The following CADM2 variants were observed in gnomAD, a reference collection of about 807,000 sequenced individuals.
The protein encoded by CADM2 is immunoglobulin superfamily member 4D.
A neutral mutation model predicts 49.8 loss-of-function variants in CADM2; 12 were observed. That is an observed-to-expected ratio of 0.24 (90% CI 0.15 to 0.39). The LOEUF (loss-of-function observed/expected upper bound fraction) is 0.39, where lower values mean the gene tolerates loss of function less well. Among genes scored for constraint, CADM2 ranks in the 10% least tolerant of loss-of-function variants. The pLI is 1.00. For missense variants in CADM2, 378 were observed against 492.3 expected, an observed-to-expected ratio of 0.77 and a Z score of 2.20; for synonymous variants, 214 against 175.4, an observed-to-expected ratio of 1.22 and a Z score of -1.74.
rs543922391 is a variant in CADM2 at position 85,508,862 on chromosome 3, T to C, written c.62-217660T>C. On this transcript the variant is annotated intron_variant, in intron 1 of 9. Coordinates refer to ENST00000383699, the MANE Select transcript of CADM2 (RefSeq NM_001167675.2). ...ATGTGTGTGTGTGTGTGTGTGTGTG[T>C]GTATTGAGGGTGTACACGCCCATGT... 3.5e-4 allele frequency among the ~76,000 whole-genome samples: 52 copies of C among 150,110 alleles called. No individual in the cohort carries two copies. In the East Asian group the frequency reaches 7.2e-3, roughly 21 times the overall value.
chr3:85,295,769 G>T (rs2043944630), intron 1 of CADM2, among the ~76,000 whole-genome samples: 1 of 151,866 alleles, frequency 6.6e-6, no homozygotes, highest in Non-Finnish European at 1.5e-5. Flanking sequence ...ACACTCTGGG[G>T]ACTGTTGTGG....
intron 1 of CADM2, among the ~76,000 whole-genome samples, chr3:85,685,615 C>CTTTTTTTTT: frequency 8.3e-4 from 101 of 122,016 alleles, no homozygotes; most frequent in African/African-American, 1.1e-3. Flanking sequence ...TTCTTTCTTT[C>CTTTTTTTTT]TTTTTTTTTT....
chr3:85,442,851 G>A (rs933369306), intron 1 of CADM2, among the ~76,000 whole-genome samples: 3 of 151,154 alleles, frequency 2.0e-5, no homozygotes, highest in Non-Finnish European at 4.4e-5. Context: ...TAAAGAAATT[G>A]ATATAATATC....
chr3:85,362,143 A>G (rs1241078202), intron 1 of CADM2, among the ~76,000 whole-genome samples: 2 of 152,218 alleles, frequency 1.3e-5, no homozygotes, highest in African/African-American at 4.8e-5. Flanking sequence ...GAAATTAGGC[A>G]TATGGAATAT....
intron 1 of CADM2, among the ~76,000 whole-genome samples, chr3:85,351,294 G>A (rs1214177153): frequency 3.3e-5 from 5 of 152,082 alleles, no homozygotes; most frequent in African/African-American, 4.8e-5. Context: ...TTACCATAGT[G>A]GTGGAAATAT....
At chr3:85,763,064 C>T (rs1035001549) in intron 2 of CADM2, among the ~76,000 whole-genome samples, 6 of 152,078 alleles carry the variant, frequency 3.9e-5, no homozygotes, top group Non-Finnish European at 8.8e-5. Context: ...ATTAGAGCTT[C>T]CTGATAAGAC....
At chr3:85,157,753 G>A (rs1437233646) in intron 1 of CADM2, among the ~76,000 whole-genome samples, 2 of 151,920 alleles carry the variant, frequency 1.3e-5, no homozygotes, top group Non-Finnish European at 2.9e-5. Flanking sequence ...GAAAACCTAG[G>A]CATTACCATT....
intron 3 of CADM2, among the ~76,000 whole-genome samples, chr3:85,872,997 C>T (rs544627886): frequency 1.2e-4 from 18 of 152,258 alleles, no homozygotes; most frequent in African/African-American, 4.1e-4. Context: ...TCACTTGGCT[C>T]ATGGTTCTGG....
chr3:84,961,490 C>G (rs1021525316), intron 1 of CADM2, among the ~76,000 whole-genome samples: 1 of 152,180 alleles, frequency 6.6e-6, no homozygotes. Context: ...ACCTTTCACA[C>G]CCCCATCCTC....
chr3:85,132,987 G>A (rs148253283), intron 1 of CADM2, among the ~76,000 whole-genome samples: 242 of 152,222 alleles, frequency 1.6e-3, no homozygotes, highest in African/African-American at 5.4e-3. Context: ...CCTTCTGGTG[G>A]GTTCGTGGTC....
intron 1 of CADM2, among the ~76,000 whole-genome samples, chr3:85,323,247 T>A (rs2044662673): frequency 6.6e-6 from 1 of 152,150 alleles, no homozygotes; most frequent in Admixed American, 6.6e-5. Context: ...AAACATTTTC[T>A]CATGGCTAAA....
intron 1 of CADM2, among the ~76,000 whole-genome samples, chr3:85,133,105 G>A (rs2039287130): frequency 6.6e-6 from 1 of 152,238 alleles, no homozygotes; most frequent in African/African-American, 2.4e-5. Flanking sequence ...GGTCTCGCTG[G>A]CTTCCGGAGT....
At chr3:85,732,299 T>G (rs1161498628) in intron 2 of CADM2, among the ~76,000 whole-genome samples, 1 of 151,834 alleles carries the variant, frequency 6.6e-6, no homozygotes, top group Non-Finnish European at 1.5e-5. Flanking sequence ...CAATTCAAAT[T>G]CTTGCATAAC....
rs897967738 is a variant in CADM2, at chr3:85,956,364, G to T, written c.792-5105G>T. On this transcript the variant is annotated intron_variant, in intron 7 of 9. Transcript: ENST00000383699. ...TCTTTATTAAGATGAAACACAAATTGTATCAAGACTTGCTAAACCACTTAA... is the reference window on the plus strand; with the variant it reads ...TCTTTATTAAGATGAAACACAAATTTTATCAAGACTTGCTAAACCACTTAA... Among the ~76,000 whole-genome samples, 5 of 151,640 alleles carry T rather than the reference G, an allele frequency of 3.3e-5. No individual in the cohort carries two copies. The East Asian group carries it at 7.8e-4, about 24-fold the overall frequency.
At chr3:85,166,297 ATAT>A (rs2040469091) in intron 1 of CADM2, among the ~76,000 whole-genome samples, 3 of 151,848 alleles carry the variant, frequency 2.0e-5, no homozygotes, top group Admixed American at 2.0e-4. Flanking sequence ...GGCATGATAT[ATAT>A]TAATCTGTGG....
chr3:85,382,854 A>G (rs993225733), intron 1 of CADM2, among the ~76,000 whole-genome samples: 2 of 152,206 alleles, frequency 1.3e-5, no homozygotes, highest in African/African-American at 2.4e-5. Flanking sequence ...TAAAAATTTT[A>G]TCGAAAAACT....
intron 1 of CADM2, among the ~76,000 whole-genome samples, chr3:85,301,531 A>C (rs1158411319): frequency 6.6e-6 from 1 of 152,088 alleles, no homozygotes; most frequent in Non-Finnish European, 1.5e-5. Flanking sequence ...CAAGAAAAAA[A>C]TAATTCATCA....
At chr3:85,058,034 G>A (rs923466772) in intron 1 of CADM2, among the ~76,000 whole-genome samples, 1 of 152,118 alleles carries the variant, frequency 6.6e-6, no homozygotes, top group African/African-American at 2.4e-5. Flanking sequence ...TCTTAAATTG[G>A]TGTAGCAAAC....
At chr3:85,361,841 A>G (rs2032382249) in intron 1 of CADM2, among the ~76,000 whole-genome samples, 1 of 152,230 alleles carries the variant, frequency 6.6e-6, no homozygotes, top group Non-Finnish European at 1.5e-5. Flanking sequence ...CTGAGAAGCT[A>G]CTTCCACAAA....
Sources: gnomAD v4.1 joint callset for allele counts (sites outside exome capture counted in the v4.1 genomes callset) on GRCh38, gnomAD v4.1.1 for gene constraint, MANE v1.5 for transcripts, NCBI Gene and HGNC (gene_info 2026-07-23, HGNC 2026-07-21) for gene names.